The following OR10D3 variants were observed in gnomAD, a reference collection of about 807,000 sequenced individuals.
OR10D3 encodes the protein olfactory receptor 10D3.
For missense variants in OR10D3, 286 were observed against 153.7 expected (o/e 1.86, Z -4.55); for synonymous variants, 100 against 57.6 (o/e 1.74, Z -3.33).
At chr11:124,185,432 C>T (rs1861209446) in exon 2 of OR10D3, 1 of 703,106 alleles carries the variant, frequency 1.4e-6, no homozygotes, top group Non-Finnish European at 2.6e-6. Flanking sequence ...TTCTGCTCGC[C>T]TTCACACACC....
exon 2 of OR10D3, chr11:124,186,058 A>G (rs1591377032): frequency 1.4e-6 from 1 of 703,282 alleles, no homozygotes; most frequent in East Asian, 2.7e-5. Flanking sequence ...TGCAGCCCAC[A>G]CCCAACCCCA....
At chr11:124,185,304 T>C in exon 2 of OR10D3, 1 of 703,400 alleles carries the variant, frequency 1.4e-6, no homozygotes, top group East Asian at 2.7e-5. Context: ...GTGACAGAGT[T>C]CATCCTTTTG....
chr11:124,186,092 C>G (rs767583495), exon 2 of OR10D3: 4 of 703,228 alleles, frequency 5.7e-6, no homozygotes, highest in Non-Finnish European at 1.0e-5. Flanking sequence ...GGTACAAATT[C>G]TCATGAATCT....
exon 2 of OR10D3, chr11:124,185,517 T>G (rs766852122): frequency 2.5e-4 from 173 of 703,248 alleles, no homozygotes; most frequent in Non-Finnish European, 4.0e-4. Flanking sequence ...AAAATGCTGC[T>G]CTACCTTATG....
chr11:124,185,541 T>C, exon 2 of OR10D3: 1 of 703,462 alleles, frequency 1.4e-6, no homozygotes, highest in Non-Finnish European at 2.6e-6. Context: ...CTGAGCCGAC[T>C]CATCTCCTAC....
exon 2 of OR10D3, chr11:124,186,164 C>T (rs924609184): frequency 2.8e-6 from 2 of 702,710 alleles, no homozygotes; most frequent in African/African-American, 3.5e-5. Flanking sequence ...AAAAACAGCC[C>T]TGAAAACAAT....
chr11:124,185,923 C>T, exon 2 of OR10D3: 1 of 703,230 alleles, frequency 1.4e-6, no homozygotes, highest in Admixed American at 2.0e-5. Flanking sequence ...TTTTATCCTA[C>T]ACTAGAATCA....
rs138796112 is a variant in OR10D3 at position 124,183,436 on chromosome 11, C to CTT, written c.-12+54_-12+55insTT. On this transcript the variant is annotated intron_variant, in intron 1 of 1. Coordinates refer to ENST00000641351, the Ensembl canonical transcript of OR10D3. Reference sequence around the variant, plus strand: ...TCTTTCTCTCTCTTTCTTTCTCTCTCTCTTTCTCTCTCTCTTTCTCTCTCT... The same window carrying CTT: ...TCTTTCTCTCTCTTTCTTTCTCTCTCTTTCTTTCTCTCTCTCTTTCTCTCTCT... The CTT allele has an allele frequency of 2.1e-3, 300 of 143,266 alleles. 1 individual carries two copies. The highest frequency in any genetic ancestry group is 8.1e-3 in the African/African-American group (280 of 34,732). 8.9% of individuals were successfully genotyped at this position (143,266 alleles called of 1,614,324 possible). A position where few individuals can be genotyped will look rare whatever the true frequency, so the allele number is the denominator to read the frequency against.
At chr11:124,186,102 T>G (rs1861223000) in exon 2 of OR10D3, 2 of 703,118 alleles carry the variant, frequency 2.8e-6, no homozygotes, top group Admixed American at 2.0e-5. Flanking sequence ...CTCATGAATC[T>G]GGTAGGACCA....
At chr11:124,185,725 G>T (rs757794687) in exon 2 of OR10D3, 4 of 703,580 alleles carry the variant, frequency 5.7e-6, no homozygotes, top group Non-Finnish European at 1.0e-5. Flanking sequence ...GGCTGTTAGG[G>T]TGCATTCATT....
exon 2 of OR10D3, chr11:124,187,620 T>G (rs1827807754): frequency 6.6e-6 from 1 of 152,232 alleles, no homozygotes; most frequent in Non-Finnish European, 1.5e-5. Context: ...CAGCTTCATA[T>G]TCTCCTTTTT....
chr11:124,185,270 A>T (rs966495446), exon 2 of OR10D3: 1 of 701,734 alleles, frequency 1.4e-6, no homozygotes. Flanking sequence ...ACTGGCTTCC[A>T]TGGAGGTGAA....
chr11:124,188,496 T>A (rs2137701641), exon 2 of OR10D3: 1 of 152,364 alleles, frequency 6.6e-6, no homozygotes, highest in East Asian at 1.9e-4. Context: ...TGTAAGGAGA[T>A]GGCTGTTGAT....
Position 124,186,200 on chromosome 11 carries a change from G to T in OR10D3, c.931G>T (p.Glu311Ter). 1 of 698,202 alleles carries T rather than the reference G, an allele frequency of 1.4e-6. No individual in the cohort carries two copies. The highest frequency in any genetic ancestry group is 2.6e-6 in the Non-Finnish European group (1 of 382,168). 43.3% of individuals were successfully genotyped at this position (698,202 alleles called of 1,614,324 possible). Residue 311 changes from glutamate to a stop codon, truncating the protein, a stop_gained, in exon 2 of 2, where the codon GAG becomes TAG. Coordinates refer to ENST00000641351, the Ensembl canonical transcript of OR10D3. LOFTEE classifies it high-confidence loss of function. ...ATTGCACAGGACAGGCCATGTTCCT[G>T]AGAGTTAGTAAGAGCAGATAAATGG...
exon 2 of OR10D3, chr11:124,186,041 G>A: frequency 1.4e-6 from 1 of 703,420 alleles, no homozygotes; most frequent in Non-Finnish European, 2.6e-6. Context: ...CATCATCACT[G>A]TCTACCTGCA....
chr11:124,185,776 T>C (rs746683060), exon 2 of OR10D3: 1 of 703,718 alleles, frequency 1.4e-6, no homozygotes, highest in South Asian at 1.5e-5. Context: ...TGCCATACTG[T>C]GGTCCCAATG....
chr11:124,183,627 A>G (rs1861188842), intron 1 of OR10D3, among the ~76,000 whole-genome samples: 1 of 136,946 alleles, frequency 7.3e-6, no homozygotes, highest in Non-Finnish European at 1.5e-5. Context: ...GCACGATCTC[A>G]GCTCACTGCA....
At chr11:124,185,733 A>T (rs957876277) in exon 2 of OR10D3, 1 of 703,594 alleles carries the variant, frequency 1.4e-6, no homozygotes, top group Non-Finnish European at 2.6e-6. Context: ...GGGTGCATTC[A>T]TTCCAGTATC....
intron 1 of OR10D3, chr11:124,184,215 G>A (rs1861193966): frequency 6.6e-6 from 1 of 152,208 alleles, no homozygotes; most frequent in Admixed American, 6.5e-5. Flanking sequence ...ACTGTGAGGA[G>A]AAATTACTAT....
Sources: gnomAD v4.1 joint callset for allele counts (sites outside exome capture counted in the v4.1 genomes callset) on GRCh38, gnomAD v4.1.1 for gene constraint, MANE v1.5 for transcripts, NCBI Gene and HGNC (gene_info 2026-07-23, HGNC 2026-07-21) for gene names.